Variants in NRXN3 observed in about 807,000 individuals in gnomAD.
The protein encoded by NRXN3 is neurexin 3, also known as neurexin III.
In NRXN3, 32 loss-of-function variants were observed where a neutral mutation model predicts 137.6. The ratio of observed to expected loss-of-function variants is 0.23; its 90% CI spans 0.18 to 0.31. The LOEUF (loss-of-function observed/expected upper bound fraction) is 0.31, where lower values mean the gene tolerates loss of function less well. Ranked by LOEUF, NRXN3 falls within the 10% of genes least tolerant of loss-of-function variation. NRXN3 has a pLI of 1.00. For missense variants in NRXN3, 1,574 were observed against 2,062.5 expected (o/e 0.76, Z 4.59); for synonymous variants, 798 against 784.5 (o/e 1.02, Z -0.29).
intron 15 of NRXN3, among the ~76,000 whole-genome samples, chr14:78,993,264 C>T (rs1296747464): frequency 3.9e-5 from 6 of 152,016 alleles, no homozygotes; most frequent in African/African-American, 1.5e-4. Flanking sequence ...ACACATTTCC[C>T]ATTCAAGCTT....
chr14:79,472,787 A>G (rs937941049), intron 16 of NRXN3, among the ~76,000 whole-genome samples: 9 of 152,082 alleles, frequency 5.9e-5, no homozygotes, highest in Non-Finnish European at 1.2e-4. Flanking sequence ...CATTTATACA[A>G]CAGGGAAAAA....
chr14:78,890,177 A>AT lies in NRXN3; in HGVS notation c.2276-67059dup, dbSNP rs1209220583. 2.6e-5 allele frequency among the ~76,000 whole-genome samples: 4 copies of AT among 152,052 alleles called. No individual in the cohort carries two copies. The South Asian group carries it at 6.2e-4, about 24-fold the overall frequency. On this transcript the variant is annotated intron_variant, in intron 10 of 20. Transcript: ENST00000335750. ...GTTTTAAGCCAGTGAGTTTGTGGTAATTTTTTAATGGCAGCCATGAGAAAC... is the reference window on the plus strand; with the variant it reads ...GTTTTAAGCCAGTGAGTTTGTGGTAATTTTTTTAATGGCAGCCATGAGAAAC...
At chr14:79,476,524 AACCTCTT>A (rs1382084623) in intron 16 of NRXN3, among the ~76,000 whole-genome samples, 3 of 152,130 alleles carry the variant, frequency 2.0e-5, no homozygotes, top group Non-Finnish European at 4.4e-5. Context: ...GTCCTTAGTT[AACCTCTT>A]ATAATTCAGT....
At chr14:78,199,470 T>TGTA (rs1268949575) in intron 1 of NRXN3, among the ~76,000 whole-genome samples, 1 of 152,236 alleles carries the variant, frequency 6.6e-6, no homozygotes, top group Non-Finnish European at 1.5e-5. Context: ...CACATCTGTA[T>TGTA]ATTTTTTTAT....
intron 1 of NRXN3, among the ~76,000 whole-genome samples, chr14:78,207,267 T>C (rs1444414546): frequency 3.3e-5 from 5 of 152,220 alleles, no homozygotes; most frequent in Admixed American, 1.3e-4. Flanking sequence ...TTGGTTTGTT[T>C]CTTTTATACG....
In NRXN3 at chr14:78,803,662, T is replaced by C; in HGVS notation, c.2087T>C (p.Ile696Thr). ...LSYDGSMYMK[I>T]IMPMVMHTEA... Reference sequence around the variant, plus strand: ...TATGATGGTAGCATGTACATGAAGATCATCATGCCCATGGTCATGCATACT... The same window carrying C: ...TATGATGGTAGCATGTACATGAAGACCATCATGCCCATGGTCATGCATACT... The change falls in exon 9 of 21, where the codon ATC (isoleucine) becomes ACC (threonine). Residue 696 changes from isoleucine (I) to threonine (T), a missense_variant. Ile to Thr is a moderately conservative substitution (Grantham distance 89). Coordinates refer to ENST00000335750, the MANE Select transcript of NRXN3 (RefSeq NM_001330195.2). 1 of 1,614,148 alleles carries C rather than the reference T, an allele frequency of 6.2e-7. No homozygotes were observed. Among genetic ancestry groups the C allele is most frequent in the South Asian group, 1.1e-5 (1 of 91,080 alleles).
chr14:78,475,942 CA>C lies in NRXN3; in HGVS notation c.758-169174del, dbSNP rs75607664. 0.031 allele frequency among the ~76,000 whole-genome samples: 4,677 copies of C among 152,118 alleles called. 281 individuals are homozygous for C. The East Asian group carries it at 0.31, about 10-fold the overall frequency. ...AGTAGACATAAAGCTTATATTTTAG[CA>C]AAAGATATAGATAATGGATAAGCAA... On this transcript the variant is annotated intron_variant, in intron 4 of 20. Coordinates refer to ENST00000335750, the MANE Select transcript of NRXN3 (RefSeq NM_001330195.2).
intron 16 of NRXN3, among the ~76,000 whole-genome samples, chr14:79,655,320 G>C (rs2098500210): frequency 6.9e-6 from 1 of 145,480 alleles, no homozygotes; most frequent in Non-Finnish European, 1.5e-5. Flanking sequence ...GCATTTCAAA[G>C]TTTATACCTG....
intron 10 of NRXN3, among the ~76,000 whole-genome samples, chr14:78,860,522 T>C (rs998033590): frequency 6.6e-6 from 1 of 152,142 alleles, no homozygotes; most frequent in Non-Finnish European, 1.5e-5. Context: ...GGGTTGGAAT[T>C]TCCATCAAGT....
In NRXN3 at chr14:79,301,642, C is replaced by A. The variant is rs1184145782; in HGVS notation, c.3263-165579C>A. 2.6e-5 allele frequency among the ~76,000 whole-genome samples: 4 copies of A among 151,966 alleles called. 1 individual carries two copies. The South Asian group carries it at 6.2e-4, about 24-fold the overall frequency. On this transcript the variant is annotated intron_variant, in intron 15 of 20. Coordinates refer to ENST00000335750, the MANE Select transcript of NRXN3 (RefSeq NM_001330195.2). ...CCCTTGGAGGTGACAGTGCCTGATT[C>A]TCTAAGGCAGGGTTCAAACAAATCA... is the stretch of plus-strand genomic sequence containing the variant.
chr14:78,946,724 G>C (rs2099365983), intron 10 of NRXN3, among the ~76,000 whole-genome samples: 1 of 152,128 alleles, frequency 6.6e-6, no homozygotes, highest in Non-Finnish European at 1.5e-5. Context: ...TGCCCAAACT[G>C]TTGCACAGAA....
intron 10 of NRXN3, among the ~76,000 whole-genome samples, chr14:78,871,070 T>G (rs1489441105): frequency 6.7e-6 from 1 of 148,322 alleles, no homozygotes; most frequent in African/African-American, 2.5e-5. Context: ...TTCTTTTGGA[T>G]ATATACCCAG....
At chr14:78,741,381 A>T (rs191971473) in intron 8 of NRXN3, among the ~76,000 whole-genome samples, 1 of 152,330 alleles carries the variant, frequency 6.6e-6, no homozygotes, top group East Asian at 1.9e-4. Flanking sequence ...TTTGGAAGCC[A>T]AAGAAGCAAA....
intron 10 of NRXN3, among the ~76,000 whole-genome samples, chr14:78,852,232 A>G (rs2099044656): frequency 6.6e-6 from 1 of 152,160 alleles, no homozygotes; most frequent in African/African-American, 2.4e-5. Context: ...CACATCCATC[A>G]TTGTTAATAT....
rs139980346 is a variant in NRXN3 at position 78,606,468 on chromosome 14, T to C, written c.758-38652T>C. 8.9e-4 allele frequency among the ~76,000 whole-genome samples: 136 copies of C among 152,356 alleles called. 1 individual carries two copies. Among genetic ancestry groups the C allele is most frequent in the African/African-American group, 3.1e-3 (129 of 41,588 alleles). On this transcript the variant is annotated intron_variant, in intron 4 of 20. Coordinates refer to ENST00000335750, the MANE Select transcript of NRXN3 (RefSeq NM_001330195.2). ...AATCACTGAGAAAACCTTCCCTGCC[T>C]ATCTTTGTCCCTTCCTTAGTTTTAC...
chr14:78,801,856 C>G (rs2098840139), intron 8 of NRXN3, among the ~76,000 whole-genome samples: 1 of 152,210 alleles, frequency 6.6e-6, no homozygotes, highest in Non-Finnish European at 1.5e-5. Context: ...TGCCTTCATC[C>G]TTCAGCTTCC....
chr14:78,218,409 G>A (rs982679441), intron 1 of NRXN3, among the ~76,000 whole-genome samples: 1 of 151,954 alleles, frequency 6.6e-6, no homozygotes, highest in Non-Finnish European at 1.5e-5. Context: ...TTAATCTTAT[G>A]TCCTTACTAG....
intron 11 of NRXN3, among the ~76,000 whole-genome samples, chr14:78,957,749 T>C (rs1373025694): frequency 6.6e-6 from 1 of 152,172 alleles, no homozygotes; most frequent in African/African-American, 2.4e-5. Context: ...GTAGAAGAGA[T>C]GGGCAAACCA....
chr14:78,206,246 A>G (rs1172572443), intron 1 of NRXN3, among the ~76,000 whole-genome samples: 3 of 152,182 alleles, frequency 2.0e-5, no homozygotes, highest in Non-Finnish European at 4.4e-5. Context: ...AAACCTTTTC[A>G]TGACTGCTTT....
Sources: allele counts gnomAD v4.1 joint callset (sites outside exome capture counted in the v4.1 genomes callset), GRCh38; gene constraint gnomAD v4.1.1; transcripts MANE v1.5; gene names NCBI Gene and HGNC (gene_info 2026-07-23, HGNC 2026-07-21).